PDE4B: variants seen among roughly 807,000 people sequenced by gnomAD.
PDE4B encodes the protein phosphodiesterase 4B.
PDE4B carries 20 observed loss-of-function variants against 82.2 expected under a neutral mutation model. The observed-to-expected ratio is 0.24, with a 90% CI of 0.17 to 0.35. PDE4B has a LOEUF of 0.35. Ranked by LOEUF, PDE4B falls within the 10% of genes least tolerant of loss-of-function variation. The pLI is 1.00. For synonymous variants in PDE4B, 320 were observed against 318.9 expected, an observed-to-expected ratio of 1.00 and a Z score of -0.04; for missense variants, 655 against 907.2, an observed-to-expected ratio of 0.72 and a Z score of 3.57.
At chr1:66,160,807 A>G (rs1646597159) in intron 3 of PDE4B, among the ~76,000 whole-genome samples, 1 of 152,202 alleles carries the variant, frequency 6.6e-6, no homozygotes, top group South Asian at 2.1e-4. Context: ...CTGAAGATCT[A>G]ATTATACTGA....
At chr1:65,821,181 C>T (rs1052592298) in intron 1 of PDE4B, among the ~76,000 whole-genome samples, 2 of 152,214 alleles carry the variant, frequency 1.3e-5, no homozygotes, top group Non-Finnish European at 2.9e-5. Context: ...CAGTGGAATG[C>T]AGCTTATTCT....
At chr1:65,917,645 C>T (rs909684833) in intron 2 of PDE4B, among the ~76,000 whole-genome samples, 4 of 152,080 alleles carry the variant, frequency 2.6e-5, no homozygotes, top group South Asian at 2.1e-4. Flanking sequence ...CATTGAGTAC[C>T]GCACAATGTC....
intron 3 of PDE4B, among the ~76,000 whole-genome samples, chr1:66,096,037 T>G (rs1377156011): frequency 6.6e-6 from 1 of 151,838 alleles, no homozygotes; most frequent in African/African-American, 2.4e-5. Context: ...ACATCCAATA[T>G]TCTCCTTCTA....
chr1:66,206,919 C>T (rs1461235954), intron 3 of PDE4B, among the ~76,000 whole-genome samples: 1 of 152,160 alleles, frequency 6.6e-6, no homozygotes, highest in East Asian at 1.9e-4. Context: ...TGCATTACAG[C>T]CCAGCTTATC....
At chr1:65,946,780 G>C (rs770918643) in intron 3 of PDE4B, among the ~76,000 whole-genome samples, 1 of 151,888 alleles carries the variant, frequency 6.6e-6, no homozygotes, top group Non-Finnish European at 1.5e-5. Flanking sequence ...GTTGCCTGGG[G>C]CTCCTCTCAA....
chr1:65,850,282 A>G (rs1018663912), intron 1 of PDE4B, among the ~76,000 whole-genome samples: 3 of 151,806 alleles, frequency 2.0e-5, no homozygotes, highest in African/African-American at 7.3e-5. Context: ...TTTTTAGTAG[A>G]GATGAGGTTT....
At chr1:65,832,350 A>C (rs377281469) in intron 1 of PDE4B, among the ~76,000 whole-genome samples, 2 of 152,356 alleles carry the variant, frequency 1.3e-5, no homozygotes, top group East Asian at 3.8e-4. Context: ...GATAAAAAAA[A>C]TGATATGCCT....
At chr1:65,959,347 AT>A (rs1336319421) in intron 3 of PDE4B, among the ~76,000 whole-genome samples, 17 of 152,090 alleles carry the variant, frequency 1.1e-4, no homozygotes. Flanking sequence ...AGAAATCTGA[AT>A]TTTTTTAAAT....
rs969856172 is a variant in PDE4B, at chr1:65,934,919, G to C, written c.281+16084G>C. On this transcript the variant is annotated intron_variant, in intron 3 of 16. Transcript: ENST00000341517. ...ATACACAAAAAATACAATAATTATA[G>C]GAGGCTTCTTTACCCCATTTTTAAT... Among the ~76,000 whole-genome samples the C allele has an allele frequency of 9.9e-5, 15 of 152,164 alleles. No individual in the cohort carries two copies. In the East Asian group the frequency reaches 2.1e-3, roughly 22 times the overall value.
intron 3 of PDE4B, among the ~76,000 whole-genome samples, chr1:66,010,367 G>A (rs769083546): frequency 6.6e-5 from 10 of 151,430 alleles, no homozygotes; most frequent in Non-Finnish European, 1.2e-4. Flanking sequence ...AGAAAGAGGG[G>A]CATTTGGCAA....
intron 7 of PDE4B, among the ~76,000 whole-genome samples, chr1:66,323,630 C>A (rs1049167046): frequency 2.6e-5 from 4 of 151,974 alleles, no homozygotes; most frequent in South Asian, 2.1e-4. Context: ...TGTAATGTAC[C>A]ATGCACTGTC....
chr1:65,933,289 G>T (rs1301688480), intron 3 of PDE4B, among the ~76,000 whole-genome samples: 5 of 151,966 alleles, frequency 3.3e-5, no homozygotes. Flanking sequence ...GGCCAGAAGG[G>T]AGTGGGATGA....
At chr1:65,892,223 G>A (rs908205781) in intron 1 of PDE4B, among the ~76,000 whole-genome samples, 2 of 151,960 alleles carry the variant, frequency 1.3e-5, no homozygotes, top group Admixed American at 6.6e-5. Context: ...ACTTGCTTAA[G>A]ACAATAGTCA....
intron 3 of PDE4B, among the ~76,000 whole-genome samples, chr1:65,950,125 A>G (rs1315681691): frequency 6.6e-6 from 1 of 152,064 alleles, no homozygotes; most frequent in Non-Finnish European, 1.5e-5. Context: ...AATAGACTTG[A>G]ACCTGTCATT....
intron 3 of PDE4B, among the ~76,000 whole-genome samples, chr1:65,921,431 G>A (rs538983281): frequency 2.0e-5 from 3 of 152,266 alleles, no homozygotes; most frequent in East Asian, 1.9e-4. Context: ...CTTGATGAAA[G>A]TTCATAGAGA....
intron 3 of PDE4B, among the ~76,000 whole-genome samples, chr1:66,121,564 C>T (rs1645710204): frequency 6.6e-6 from 1 of 152,106 alleles, no homozygotes; most frequent in African/African-American, 2.4e-5. Context: ...GAAAGATGTG[C>T]CTTGCCTCTG....
chr1:66,018,236 T>C (rs944505693), intron 3 of PDE4B, among the ~76,000 whole-genome samples: 1 of 151,984 alleles, frequency 6.6e-6, no homozygotes, highest in African/African-American at 2.4e-5. Context: ...GCTAACACCG[T>C]GAAACCCCGT....
chr1:66,239,844 T>TTACA (rs1652744192), intron 3 of PDE4B, among the ~76,000 whole-genome samples: 2 of 152,256 alleles, frequency 1.3e-5, no homozygotes, highest in South Asian at 4.2e-4. Context: ...AGTGAAATGT[T>TTACA]TACAACCCAA....
chr1:65,981,104 C>T (rs1937457), intron 3 of PDE4B, among the ~76,000 whole-genome samples: 41,290 of 151,692 alleles, frequency 0.27, 5,883 homozygotes, highest in East Asian at 0.45. Context: ...CAGGTGTGTC[C>T]GTTAGAAGGT....
Sources: allele counts gnomAD v4.1 joint callset (sites outside exome capture counted in the v4.1 genomes callset), GRCh38; gene constraint gnomAD v4.1.1; transcripts MANE v1.5; gene names NCBI Gene and HGNC (gene_info 2026-07-23, HGNC 2026-07-21).